Variants in AP2A1 observed in about 807,000 individuals in gnomAD.
AP2A1 encodes AP-2 complex subunit alpha-1.
AP2A1 carries 21 observed loss-of-function variants against 107.3 expected under a neutral mutation model. The observed-to-expected ratio is 0.20, with a 90% CI of 0.14 to 0.28. AP2A1 has a LOEUF of 0.28. AP2A1 is among the 10% of genes least tolerant of loss of function. The pLI, the probability that AP2A1 is intolerant of heterozygous loss-of-function variation, is 1.00. For missense variants in AP2A1, 873 were observed against 1,307.7 expected (o/e 0.67, Z 5.13); for synonymous variants, 602 against 564.8 (o/e 1.07, Z -0.93).
At position 49,802,806 on chromosome 19, in the gene AP2A1, G is replaced by A. The variant is rs960112138; in HGVS notation, c.2115-143G>A. On this transcript the variant is annotated intron_variant, in intron 15 of 22. Transcript: ENST00000354293. ...TTGGAGGCCACTGCTGGATGGATGC[G>A]AGGTTCCTCGAGGCTCTGTGAGGGG... The A allele has an allele frequency of 1.4e-5, 15 of 1,086,788 alleles. No homozygotes were observed. The African/African-American group carries it at 1.9e-4, about 14-fold the overall frequency. 67.3% of individuals were successfully genotyped at this position (1,086,788 alleles called of 1,614,324 possible).
rs376677607 is a variant in AP2A1 at position 49,775,834 on chromosome 19, G to T, written c.68-5923G>T. Among the ~76,000 whole-genome samples the T allele has an allele frequency of 1.1e-4, 16 of 152,332 alleles. 2 individuals carry two copies. The highest frequency in any genetic ancestry group is 9.8e-4 in the Admixed American group (15 of 15,308). On this transcript the variant is annotated intron_variant, in intron 1 of 22. Transcript: ENST00000354293. Reference sequence around the variant, plus strand: ...CCTTTGCGGTGAGATGCTGGGTGATGCCTGTGTTACCTTCATAAATGCACA... The same window carrying T: ...CCTTTGCGGTGAGATGCTGGGTGATTCCTGTGTTACCTTCATAAATGCACA...
intron 4 of AP2A1, among the ~76,000 whole-genome samples, chr19:49,784,712 A>T (rs2084717343): frequency 6.6e-6 from 1 of 151,986 alleles, no homozygotes; most frequent in Admixed American, 6.6e-5. Flanking sequence ...TTGCCACAAA[A>T]ACTAAAATAT....
Position 49,806,897 on chromosome 19 carries a change from T to C in AP2A1, c.*139T>C, listed in dbSNP as rs748317621. 9 of 1,540,954 alleles carry C rather than the reference T, an allele frequency of 5.8e-6. No homozygotes were observed. The Admixed American group carries it at 1.6e-4, about 27-fold the overall frequency. On this transcript the variant is annotated 3_prime_UTR_variant, in exon 23 of 23. Coordinates refer to ENST00000354293, the MANE Select transcript of AP2A1 (RefSeq NM_130787.3). ...GGATGCCTGGGACTTTCCTCCGGCC[T>C]TTTGTATTTTTATTTTTGTTCATCT...
chr19:49,799,657 G>A lies in AP2A1; in HGVS notation c.1163G>A (p.Arg388Gln), dbSNP rs747545364. ...KTERDVSVRQ[R>Q]AADLLYAMCD... is the part of the protein sequence containing the mutation. Reference sequence around the variant, plus strand: ...GAGCGGGACGTCAGCGTGCGGCAGCGGGCGGCTGACCTCCTCTACGCCATG... The same window carrying A: ...GAGCGGGACGTCAGCGTGCGGCAGCAGGCGGCTGACCTCCTCTACGCCATG... The change falls in exon 10 of 23, where the codon CGG (arginine) becomes CAG (glutamine). Residue 388 changes from arginine to glutamine, a missense_variant. Arg to Gln is a conservative substitution (Grantham distance 43). Around this residue, in one of 4 missense-constraint regions of AP2A1, gnomAD observed 213 missense variants for 443.5 expected, o/e 0.48. Transcript: ENST00000354293. 8 of 1,611,704 alleles carry A rather than the reference G, an allele frequency of 5.0e-6. No individual in the cohort carries two copies. The highest frequency in any genetic ancestry group is 3.3e-5 in the Admixed American group (2 of 60,014).
chr19:49,804,596 C>T (rs974677964), intron 18 of AP2A1: 5 of 151,936 alleles, frequency 3.3e-5, no homozygotes, highest in African/African-American at 1.2e-4. Flanking sequence ...GTGCAGGCAG[C>T]TCAGTGGAGG....
chr19:49,803,069 C>T, intron 16 of AP2A1, 38 bp from the exon 17 acceptor site: 1 of 1,613,592 alleles, frequency 6.2e-7, no homozygotes, highest in South Asian at 1.1e-5. Context: ...CAGGTGCAGA[C>T]AGGCACCCCC....
Position 49,805,484 on chromosome 19 carries a change from G to A in AP2A1, c.2376G>A (p.Ala792=), listed in dbSNP as rs1211182688. The A allele has an allele frequency of 6.4e-7, 1 of 1,552,740 alleles. No individual in the cohort carries two copies. Among genetic ancestry groups the A allele is most frequent in the Non-Finnish European group, 8.7e-7 (1 of 1,148,324 alleles). ...QLAVQTKRVA[A]QVDGGAQVQQ... ...CTGTGCAGACCAAGCGCGTGGCGGC[G>A]CAGGTGGACGGCGGCGCGCAGGTGC... The change falls in exon 19 of 23, where the codon GCG becomes GCA. Residue 792 remains alanine (A), a synonymous_variant. Coordinates refer to ENST00000354293, the MANE Select transcript of AP2A1 (RefSeq NM_130787.3).
At chr19:49,805,415 ACCT>A (rs1017468299) in intron 18 of AP2A1, 35 bp from the exon 19 acceptor site, 16 of 1,502,302 alleles carry the variant, frequency 1.1e-5, no homozygotes, top group Non-Finnish European at 1.4e-5. Context: ...CCGGGGGCCC[ACCT>A]CCTCTGTCTG....
chr19:49,802,455 T>C (rs2073299834), intron 15 of AP2A1: 3 of 1,377,406 alleles, frequency 2.2e-6, no homozygotes, highest in Non-Finnish European at 3.0e-6. Context: ...GTCTCTCTTC[T>C]GCCCTCTCGC....
chr19:49,800,935 TC>T (rs1307624780), intron 11 of AP2A1, 25 bp from the exon 12 acceptor site: 1 of 1,567,756 alleles, frequency 6.4e-7, no homozygotes, highest in Non-Finnish European at 8.7e-7. Flanking sequence ...TGTTGTCCTC[TC>T]CACGCCCTTC....
chr19:49,803,097 G>A lies in AP2A1; in HGVS notation c.2172-10G>A, dbSNP rs758373176. 6.2e-6 allele frequency: 10 copies of A among 1,613,940 alleles called. No homozygotes were observed. In the Admixed American group the frequency reaches 6.7e-5, roughly 11 times the overall value. On this transcript the variant is annotated splice_polypyrimidine_tract_variant and intron_variant, in intron 16 of 22. Transcript: ENST00000354293. ...GCACCCCCGTCATCTTGCGCCCCCT[G>A]CCCCCTCAGGTTTGTGTGTAAGAAC...
chr19:49,806,383 C>T lies in AP2A1; in HGVS notation c.2790+130C>T, dbSNP rs570150139. On this transcript the variant is annotated intron_variant, in intron 22 of 22. Coordinates refer to ENST00000354293, the MANE Select transcript of AP2A1 (RefSeq NM_130787.3). ...CCCTCCTCCTCTCACATTTCTTTGT[C>T]CACTTTTACTCCTCTTTATCTATCA... 211 of 1,438,530 alleles carry T rather than the reference C, an allele frequency of 1.5e-4. No individual in the cohort carries two copies. In the African/African-American group the frequency reaches 2.9e-3, roughly 20 times the overall value. The allele number at this position is 1,438,530 out of a possible 1,614,324, so 89.1% of individuals were successfully genotyped here. A position where few individuals can be genotyped will look rare whatever the true frequency, so the allele number is the denominator to read the frequency against.
At chr19:49,770,363 T>C (rs2084544387) in intron 1 of AP2A1, among the ~76,000 whole-genome samples, 1 of 152,116 alleles carries the variant, frequency 6.6e-6, no homozygotes, top group African/African-American at 2.4e-5. Flanking sequence ...AGCCTTTTCT[T>C]AGCAAGCGTA....
At position 49,806,674 on chromosome 19, in the gene AP2A1, C is replaced by CA; in HGVS notation, c.2791-6dup. 1 of 1,612,550 alleles carries CA rather than the reference C, an allele frequency of 6.2e-7. No homozygotes were observed. The highest frequency in any genetic ancestry group is 8.5e-7 in the Non-Finnish European group (1 of 1,179,748). On this transcript the variant is annotated splice_polypyrimidine_tract_variant and splice_region_variant and intron_variant, in intron 22 of 22. Transcript: ENST00000354293. ...CTCTGAGTTCTGCCCCCAATGCCCC[C>CA]ACCCAGATGTACCGGCTGACCCTGC...
At chr19:49,768,045 G>C (rs2084521425) in intron 1 of AP2A1, among the ~76,000 whole-genome samples, 1 of 152,036 alleles carries the variant, frequency 6.6e-6, no homozygotes, top group Non-Finnish European at 1.5e-5. Context: ...GGAGCGCCCA[G>C]ACCTCAAGGA....
At chr19:49,794,795 A>G (rs1031734531) in intron 6 of AP2A1, among the ~76,000 whole-genome samples, 1 of 152,132 alleles carries the variant, frequency 6.6e-6, no homozygotes, top group East Asian at 1.9e-4. Flanking sequence ...CCCAAGTAGC[A>G]TGGATCACAG....
intron 1 of AP2A1, among the ~76,000 whole-genome samples, chr19:49,772,500 CTT>C (rs1022336619): frequency 2.6e-5 from 3 of 115,546 alleles, no homozygotes; most frequent in Non-Finnish European, 3.7e-5. Context: ...TTCAAGAATT[CTT>C]TTTTTTTTTT....
intron 6 of AP2A1, 28 bp from the exon 7 acceptor site, chr19:49,795,602 C>CCCCCAA: frequency 4.9e-5 from 61 of 1,236,526 alleles, no homozygotes; most frequent in East Asian, 7.7e-5. Context: ...CCCCAGCCCC[C>CCCCCAA]AACTTATTTC....
intron 4 of AP2A1, among the ~76,000 whole-genome samples, chr19:49,791,706 A>G (rs1302450691): frequency 3.9e-5 from 6 of 152,110 alleles, no homozygotes; most frequent in Non-Finnish European, 8.8e-5. Flanking sequence ...CAGGCTTGAC[A>G]TGTTCCTGAG....
Sources: gnomAD v4.1 joint callset for allele counts (sites outside exome capture counted in the v4.1 genomes callset) on GRCh38, gnomAD v4.1.1 for gene constraint, gnomAD v4.1.1 regional missense constraint, MANE v1.5 for transcripts, NCBI Gene and HGNC (gene_info 2026-07-23, HGNC 2026-07-21) for gene names.